Variants in CDH13 observed in about 807,000 individuals in gnomAD.
CDH13 encodes the protein cadherin-13.
Under a neutral mutation model 63.8 loss-of-function variants are expected in CDH13, and 24 were observed. That is an observed-to-expected ratio of 0.38 (90% confidence interval 0.27 to 0.53). The LOEUF is 0.53. CDH13 is among the 20% of genes least tolerant of loss of function. The probability of loss-of-function intolerance (pLI) is 0.85; values close to 1 mark genes in which losing one functional copy is unlikely to be tolerated. For missense variants in CDH13, 1,049 were observed against 903.1 expected, an observed-to-expected ratio of 1.16 and a Z score of -2.07; for synonymous variants, 503 against 355.3, an observed-to-expected ratio of 1.42 and a Z score of -4.67.
At chr16:82,958,889 G>C (rs1175621993) in intron 2 of CDH13, among the ~76,000 whole-genome samples, 5 of 152,252 alleles carry the variant, frequency 3.3e-5, no homozygotes, top group Admixed American at 3.3e-4. Flanking sequence ...CCTTCCACCT[G>C]GGAAGATGTT....
At chr16:83,345,321 T>A (rs577216719) in intron 6 of CDH13, among the ~76,000 whole-genome samples, 1 of 152,344 alleles carries the variant, frequency 6.6e-6, no homozygotes, top group South Asian at 2.1e-4. Context: ...AGTCCAAGGC[T>A]AAACTTTGTG....
chr16:83,297,240 C>T (rs181422805), intron 5 of CDH13, among the ~76,000 whole-genome samples: 5 of 152,094 alleles, frequency 3.3e-5, no homozygotes, highest in African/African-American at 1.2e-4. Flanking sequence ...TGAATGCTCT[C>T]AACACAAAGA....
chr16:82,830,704 T>C (rs16958724), intron 1 of CDH13, among the ~76,000 whole-genome samples: 22,073 of 152,196 alleles, frequency 0.15, 1,770 homozygotes, highest in African/African-American at 0.22. Context: ...TAGCGCTTCA[T>C]AGCTGTATTG....
At chr16:83,165,204 G>A (rs754240506) in intron 4 of CDH13, among the ~76,000 whole-genome samples, 3 of 152,060 alleles carry the variant, frequency 2.0e-5, no homozygotes, top group South Asian at 4.2e-4. Context: ...CCCTCCAAAC[G>A]TCAAGTGGGG....
intron 7 of CDH13, among the ~76,000 whole-genome samples, chr16:83,511,928 G>C (rs1028870440): frequency 6.6e-6 from 1 of 152,258 alleles, no homozygotes; most frequent in African/African-American, 2.4e-5. Flanking sequence ...GCTCATAAAA[G>C]CAATCACTGC....
rs2040409842 is a variant in CDH13 at position 82,873,503 on chromosome 16, A to T, written c.157+15030A>T. 2.0e-5 allele frequency among the ~76,000 whole-genome samples: 3 copies of T among 152,164 alleles called. No individual in the cohort carries two copies. The South Asian group carries it at 6.2e-4, about 32-fold the overall frequency. ...ACTGGGGTGTCCTTGATAGTTTCAC[A>T]GGACAGTGGTGTGGGCTCCTAGGTT... On this transcript the variant is annotated intron_variant, in intron 2 of 13. Coordinates refer to ENST00000567109, the MANE Select transcript of CDH13 (RefSeq NM_001257.5).
intron 10 of CDH13, chr16:83,710,268 C>A (rs1907819101): frequency 6.6e-6 from 1 of 152,342 alleles, no homozygotes; most frequent in East Asian, 1.9e-4. Context: ...GCTGGAACAA[C>A]AGGCTGCAAC....
rs184339988 is a variant in CDH13, at chr16:82,922,649, A to C, written c.157+64176A>C. Among the ~76,000 whole-genome samples, 543 of 152,304 alleles carry C rather than the reference A, an allele frequency of 3.6e-3. 3 individuals carry two copies. Among genetic ancestry groups the C allele is most frequent in the Non-Finnish European group, 6.2e-3 (423 of 68,018 alleles). On this transcript the variant is annotated intron_variant, in intron 2 of 13. Transcript: ENST00000567109. ...TCCTGCTCTGGAGAGAAAAGCTCACAGAGAAGAATTTTATGACCCATGCCT... is the reference window on the plus strand; with the variant it reads ...TCCTGCTCTGGAGAGAAAAGCTCACCGAGAAGAATTTTATGACCCATGCCT...
chr16:83,286,165 T>C (rs1429516280), intron 5 of CDH13, among the ~76,000 whole-genome samples: 1 of 152,212 alleles, frequency 6.6e-6, no homozygotes, highest in Non-Finnish European at 1.5e-5. Flanking sequence ...AGGTGATGAC[T>C]TACCCAAACA....
intron 10 of CDH13, among the ~76,000 whole-genome samples, chr16:83,744,127 G>T (rs992689987): frequency 2.3e-4 from 35 of 152,280 alleles, no homozygotes; most frequent in African/African-American, 8.4e-4. Context: ...ACCAAGCTGG[G>T]CCCAAGGAAG....
At chr16:82,968,869 C>A (rs1347095417) in intron 2 of CDH13, among the ~76,000 whole-genome samples, 1 of 152,172 alleles carries the variant, frequency 6.6e-6, no homozygotes, top group African/African-American at 2.4e-5. Context: ...CCTGTAATCC[C>A]AGCAGTTTGG....
At chr16:83,374,799 C>G (rs1419830863) in intron 6 of CDH13, among the ~76,000 whole-genome samples, 2 of 152,192 alleles carry the variant, frequency 1.3e-5, no homozygotes, top group African/African-American at 4.8e-5. Flanking sequence ...GTCTCCTGTT[C>G]TCACACAGAC....
chr16:83,609,416 T>C (rs1403377026), intron 8 of CDH13, among the ~76,000 whole-genome samples: 1 of 152,236 alleles, frequency 6.6e-6, no homozygotes. Context: ...AGCTAAGTTG[T>C]CATCCACATC....
intron 1 of CDH13, among the ~76,000 whole-genome samples, chr16:82,759,354 G>A (rs531265380): frequency 6.6e-6 from 1 of 152,162 alleles, no homozygotes; most frequent in Admixed American, 6.5e-5. Flanking sequence ...TTCAAACTGA[G>A]ACAATAAAAT....
chr16:83,328,855 C>G (rs1031498558), intron 5 of CDH13, among the ~76,000 whole-genome samples: 1 of 152,016 alleles, frequency 6.6e-6, no homozygotes, highest in African/African-American at 2.4e-5. Context: ...AAAAAATGTA[C>G]CTGATCCAAG....
intron 3 of CDH13, among the ~76,000 whole-genome samples, chr16:83,040,166 C>T (rs1160368590): frequency 6.6e-6 from 1 of 151,946 alleles, no homozygotes; most frequent in Non-Finnish European, 1.5e-5. Context: ...GCTCCAGGTT[C>T]CTCAGCTGGA....
rs926123788 is a variant in CDH13 at position 83,706,645 on chromosome 16, C to T, written c.1538+28184C>T. ...ATACAATCATTTCTTTGGTTGCAAG[C>T]CATGGAAACCAAACCTTATGAAGAG... On this transcript the variant is annotated intron_variant, in intron 10 of 13. Coordinates refer to ENST00000567109, the MANE Select transcript of CDH13 (RefSeq NM_001257.5). 2.6e-5 allele frequency among the ~76,000 whole-genome samples: 4 copies of T among 152,194 alleles called. No homozygotes were observed. In the South Asian group the frequency reaches 8.3e-4, roughly 32 times the overall value.
intron 9 of CDH13, among the ~76,000 whole-genome samples, chr16:83,674,324 C>A (rs954867431): frequency 3.9e-5 from 6 of 152,198 alleles, no homozygotes; most frequent in Admixed American, 2.6e-4. Flanking sequence ...AAGTAGCTGC[C>A]AAAGCCCCAG....
chr16:82,916,680 G>A (rs570550234), intron 2 of CDH13, among the ~76,000 whole-genome samples: 2 of 151,798 alleles, frequency 1.3e-5, no homozygotes, highest in South Asian at 2.1e-4. Flanking sequence ...AGGTTTATGA[G>A]AACATATCAA....
Sources: allele counts gnomAD v4.1 joint callset (sites outside exome capture counted in the v4.1 genomes callset), GRCh38; gene constraint gnomAD v4.1.1; transcripts MANE v1.5; gene names NCBI Gene and HGNC (gene_info 2026-07-23, HGNC 2026-07-21).